NTM: variants seen among roughly 807,000 people sequenced by gnomAD.
NTM encodes IgLON family member 2.
Under a neutral mutation model 42.1 loss-of-function variants are expected in NTM, and 13 were observed. The ratio of observed to expected loss-of-function variants is 0.31; its 90% CI spans 0.20 to 0.49. The LOEUF (loss-of-function observed/expected upper bound fraction) is 0.49. Ranked by LOEUF, NTM falls within the 20% of genes least tolerant of loss-of-function variation. The pLI is 0.99. For missense variants in NTM, 373 were observed against 452.8 expected (o/e 0.82, Z 1.60); for synonymous variants, 187 against 179.2 (o/e 1.04, Z -0.35).
At chr11:131,884,853 T>C (rs2050136135) in intron 1 of NTM, among the ~76,000 whole-genome samples, 1 of 152,192 alleles carries the variant, frequency 6.6e-6, no homozygotes, top group African/African-American at 2.4e-5. Context: ...TGGTTAATAA[T>C]TCTTGAGTGC....
intron 1 of NTM, among the ~76,000 whole-genome samples, chr11:131,630,806 C>A (rs898367251): frequency 6.6e-6 from 1 of 152,080 alleles, no homozygotes; most frequent in Non-Finnish European, 1.5e-5. Context: ...GAATAGTTTT[C>A]TCTCCTTATC....
At chr11:131,699,571 C>T (rs2135149800) in intron 1 of NTM, among the ~76,000 whole-genome samples, 1 of 152,256 alleles carries the variant, frequency 6.6e-6, no homozygotes, top group South Asian at 2.1e-4. Flanking sequence ...CTAATAAAGA[C>T]AAACCCAAGA....
chr11:132,138,618 CTATT>C, intron 2 of NTM, among the ~76,000 whole-genome samples: 1 of 142,498 alleles, frequency 7.0e-6, no homozygotes, highest in Admixed American at 7.1e-5. Flanking sequence ...ATCTATCTAT[CTATT>C]CTAATCTATC....
At chr11:131,389,392 G>A (rs1335660887) in intron 1 of NTM, among the ~76,000 whole-genome samples, 1 of 152,168 alleles carries the variant, frequency 6.6e-6, no homozygotes, top group Non-Finnish European at 1.5e-5. Flanking sequence ...GCCCAGCCTC[G>A]GCAAAGCGGC....
chr11:131,557,811 G>C (rs12808791), intron 1 of NTM, among the ~76,000 whole-genome samples: 4 of 152,112 alleles, frequency 2.6e-5, no homozygotes, highest in African/African-American at 9.7e-5. Context: ...GTATCTCTGA[G>C]AAAATGGGCA....
Position 132,300,041 on chromosome 11 carries a change from A to G in NTM, c.527-7648A>G, listed in dbSNP as rs995792505. On this transcript the variant is annotated intron_variant, in intron 4 of 8. Transcript: ENST00000683400. The stretch of plus-strand genomic sequence containing the variant: ...TATACCTGCTTTTTTAAAATAAATG[A>G]TCATGAGAAATTATATTTATTATCA... 5.9e-5 allele frequency among the ~76,000 whole-genome samples: 9 copies of G among 152,246 alleles called. 1 individual carries two copies. The highest frequency in any genetic ancestry group is 3.3e-4 in the Admixed American group (5 of 15,300).
At chr11:131,744,293 T>C (rs2081533381) in intron 1 of NTM, among the ~76,000 whole-genome samples, 1 of 152,264 alleles carries the variant, frequency 6.6e-6, no homozygotes, top group African/African-American at 2.4e-5. Context: ...GACTGAATAA[T>C]TGACTTTATT....
intron 1 of NTM, among the ~76,000 whole-genome samples, chr11:131,822,521 G>A (rs560602829): frequency 5.4e-4 from 82 of 152,270 alleles, no homozygotes; most frequent in African/African-American, 1.6e-3. Context: ...ATAAGAACGC[G>A]TGTACAGAGG....
intron 6 of NTM, among the ~76,000 whole-genome samples, chr11:132,311,745 T>G (rs1467583181): frequency 6.6e-6 from 1 of 151,768 alleles, no homozygotes; most frequent in Non-Finnish European, 1.5e-5. Context: ...TTCCAATTCT[T>G]TATTGGAGAA....
chr11:131,717,248 T>C (rs544039540), intron 1 of NTM, among the ~76,000 whole-genome samples: 5 of 152,342 alleles, frequency 3.3e-5, no homozygotes, highest in Non-Finnish European at 5.9e-5. Flanking sequence ...ATTTTTAAAT[T>C]AGCTTGCCAA....
chr11:131,401,240 G>A (rs995106462), intron 1 of NTM, among the ~76,000 whole-genome samples: 4 of 152,104 alleles, frequency 2.6e-5, no homozygotes, highest in African/African-American at 7.2e-5. Flanking sequence ...AGGTCATCTA[G>A]CTCATCCCAC....
intron 7 of NTM, among the ~76,000 whole-genome samples, chr11:132,316,431 G>GACGTTTCT (rs1338913186): frequency 6.6e-6 from 1 of 152,172 alleles, no homozygotes; most frequent in Non-Finnish European, 1.5e-5. Context: ...CCTCCTTTGG[G>GACGTTTCT]ACGTTTCTAC....
intron 1 of NTM, among the ~76,000 whole-genome samples, chr11:131,828,071 T>C (rs2042341963): frequency 6.6e-6 from 1 of 152,036 alleles, no homozygotes; most frequent in Admixed American, 6.5e-5. Flanking sequence ...TATAGGTATG[T>C]GACCTTGAAA....
At chr11:131,504,292 G>C (rs1436021590) in intron 1 of NTM, among the ~76,000 whole-genome samples, 1 of 152,110 alleles carries the variant, frequency 6.6e-6, no homozygotes, top group African/African-American at 2.4e-5. Flanking sequence ...AGACCCCTTG[G>C]GCTCACATTC....
intron 1 of NTM, among the ~76,000 whole-genome samples, chr11:131,693,332 G>C (rs1439010479): frequency 2.6e-5 from 4 of 152,182 alleles, no homozygotes; most frequent in Admixed American, 2.6e-4. Flanking sequence ...CCTGACACTG[G>C]AGCCAGAACA....
At chr11:131,988,331 C>A (rs1486308090) in intron 2 of NTM, among the ~76,000 whole-genome samples, 1 of 152,192 alleles carries the variant, frequency 6.6e-6, no homozygotes, top group Non-Finnish European at 1.5e-5. Context: ...TAAATATTAA[C>A]CTTTCCCTGA....
intron 2 of NTM, among the ~76,000 whole-genome samples, chr11:131,934,944 G>A (rs992941399): frequency 2.0e-5 from 3 of 152,188 alleles, no homozygotes; most frequent in Non-Finnish European, 4.4e-5. Flanking sequence ...GACATGCTCC[G>A]AGCCTCTGGG....
intron 1 of NTM, among the ~76,000 whole-genome samples, chr11:131,806,530 T>C (rs943430515): frequency 1.1e-4 from 17 of 152,164 alleles, no homozygotes; most frequent in African/African-American, 3.6e-4. Flanking sequence ...AGAAAGATTG[T>C]TGAGGATGTT....
At chr11:132,198,948 G>A (rs1411565286) in intron 3 of NTM, among the ~76,000 whole-genome samples, 1 of 152,144 alleles carries the variant, frequency 6.6e-6, no homozygotes, top group Non-Finnish European at 1.5e-5. Flanking sequence ...TGTTTAGCTA[G>A]GACTAAATGA....
Sources: allele counts gnomAD v4.1 joint callset (sites outside exome capture counted in the v4.1 genomes callset), GRCh38; gene constraint gnomAD v4.1.1; transcripts MANE v1.5; gene names NCBI Gene and HGNC (gene_info 2026-07-23, HGNC 2026-07-21).